DOCK4: variants seen among roughly 807,000 people sequenced by gnomAD.
DOCK4 encodes the protein dedicator of cytokinesis 4.
A neutral mutation model predicts 268.1 loss-of-function variants in DOCK4; 97 were observed. The observed-to-expected ratio is 0.36, with a 90% CI of 0.31 to 0.43. DOCK4 has a LOEUF of 0.43. DOCK4 is among the 20% of genes least tolerant of loss of function. The pLI, the probability that DOCK4 is intolerant of heterozygous loss-of-function variation, is 1.00. For missense variants in DOCK4, 2,145 were observed against 2,455.7 expected, an observed-to-expected ratio of 0.87 and a Z score of 2.67; for synonymous variants, 954 against 887.2, an observed-to-expected ratio of 1.08 and a Z score of -1.34.
At chr7:112,090,404 A>T (rs1586802472) in intron 1 of DOCK4, among the ~76,000 whole-genome samples, 1 of 152,200 alleles carries the variant, frequency 6.6e-6, no homozygotes, top group Non-Finnish European at 1.5e-5. Flanking sequence ...ACAAGTAAAA[A>T]CTATATGAAA....
At chr7:112,127,032 C>T (rs1235367807) in intron 1 of DOCK4, among the ~76,000 whole-genome samples, 1 of 151,934 alleles carries the variant, frequency 6.6e-6, no homozygotes, top group Non-Finnish European at 1.5e-5. Flanking sequence ...ACTAGAAATA[C>T]CATTTGACCC....
chr7:112,057,610 A>C (rs972108281), intron 1 of DOCK4, among the ~76,000 whole-genome samples: 2 of 151,514 alleles, frequency 1.3e-5, no homozygotes, highest in Non-Finnish European at 2.9e-5. Flanking sequence ...TTATCCTTGC[A>C]AAAAAAATTT....
At position 112,059,410 on chromosome 7, in the gene DOCK4, G is replaced by C. The variant is rs192288976; in HGVS notation, c.38-55279C>G. Among the ~76,000 whole-genome samples, 503 of 152,104 alleles carry C rather than the reference G, an allele frequency of 3.3e-3. 4 individuals are homozygous for C. Among genetic ancestry groups the C allele is most frequent in the African/African-American group, 0.011 (475 of 41,512 alleles). On this transcript the variant is annotated intron_variant, in intron 1 of 52. Transcript: ENST00000428084. ...ATCCTCCTCGGCCTCCCAAAGTGCTGGGATTACAGGCGCGAGCCACCACCC... is the reference window on the plus strand; with the variant it reads ...ATCCTCCTCGGCCTCCCAAAGTGCTCGGATTACAGGCGCGAGCCACCACCC...
In DOCK4 at chr7:111,933,820, G is replaced by C. The variant is rs542764767; in HGVS notation, c.1066+1720C>G. Among the ~76,000 whole-genome samples the C allele has an allele frequency of 7.2e-5, 11 of 152,288 alleles. No individual in the cohort carries two copies. The South Asian group carries it at 2.3e-3, about 32-fold the overall frequency. ...TTATCTCTCCAACTCTAAGGAGAGG[G>C]AGGAGGAAACTGACCTCACCACTCA... On this transcript the variant is annotated intron_variant, in intron 12 of 52. Transcript: ENST00000428084.
chr7:111,840,693 A>T (rs1434733650), intron 25 of DOCK4: 2 of 701,876 alleles, frequency 2.8e-6, no homozygotes. Context: ...GAGGCTGGGT[A>T]ACAATCATGG....
At chr7:111,906,446 T>C (rs140983008) in intron 13 of DOCK4, among the ~76,000 whole-genome samples, 344 of 152,310 alleles carry the variant, frequency 2.3e-3, no homozygotes, top group African/African-American at 8.0e-3. Context: ...TGATGTGTTC[T>C]TGGTCAATAC....
intron 1 of DOCK4, among the ~76,000 whole-genome samples, chr7:112,007,306 G>A (rs1263815764): frequency 6.6e-6 from 1 of 151,942 alleles, no homozygotes; most frequent in Non-Finnish European, 1.5e-5. Flanking sequence ...TAAGAATGGA[G>A]TACAAATACA....
intron 14 of DOCK4, among the ~76,000 whole-genome samples, 172 bp from the exon 15 acceptor site, chr7:111,900,708 T>C (rs1271183550): frequency 1.3e-5 from 2 of 152,250 alleles, no homozygotes; most frequent in Admixed American, 1.3e-4. Context: ...GGGGTGTATC[T>C]ATTTAATTCT....
At chr7:111,867,706 C>T (rs894742616) in intron 22 of DOCK4, among the ~76,000 whole-genome samples, 2 of 152,150 alleles carry the variant, frequency 1.3e-5, no homozygotes, top group African/African-American at 2.4e-5. Context: ...ACAGCATGTC[C>T]AGTCGTCAGT....
chr7:112,158,317 T>C (rs1476374573), intron 1 of DOCK4, among the ~76,000 whole-genome samples: 1 of 152,228 alleles, frequency 6.6e-6, no homozygotes, highest in Non-Finnish European at 1.5e-5. Context: ...CTAGCACCTA[T>C]TGCTTATACA....
At chr7:112,096,676 C>G (rs1321325332) in intron 1 of DOCK4, among the ~76,000 whole-genome samples, 1 of 152,158 alleles carries the variant, frequency 6.6e-6, no homozygotes, top group East Asian at 1.9e-4. Flanking sequence ...GAATTCTACC[C>G]AGGAGCTAGG....
intron 8 of DOCK4, among the ~76,000 whole-genome samples, chr7:111,948,588 TTTC>T (rs928108352): frequency 3.4e-4 from 52 of 152,084 alleles, no homozygotes; most frequent in Middle Eastern, 3.4e-3. Flanking sequence ...GTAGTTTTCT[TTTC>T]TTCTTCTTTT....
At chr7:111,814,347 C>T (rs1754504288) in intron 27 of DOCK4, among the ~76,000 whole-genome samples, 1 of 152,142 alleles carries the variant, frequency 6.6e-6, no homozygotes, top group Non-Finnish European at 1.5e-5. Flanking sequence ...CCTAGAATCA[C>T]CTGGGAGCTT....
chr7:112,129,910 G>C (rs1813642051), intron 1 of DOCK4, among the ~76,000 whole-genome samples: 1 of 152,104 alleles, frequency 6.6e-6, no homozygotes, highest in Non-Finnish European at 1.5e-5. Flanking sequence ...TTTTATAGTG[G>C]GATAAAATGA....
At chr7:112,032,269 A>T (rs1482726963) in intron 1 of DOCK4, among the ~76,000 whole-genome samples, 5 of 152,254 alleles carry the variant, frequency 3.3e-5, no homozygotes, top group Non-Finnish European at 5.9e-5. Context: ...AGTCAAACAC[A>T]GAAACTAAAA....
At chr7:111,793,727 A>G (rs577950602) in intron 30 of DOCK4, among the ~76,000 whole-genome samples, 5 of 152,242 alleles carry the variant, frequency 3.3e-5, no homozygotes, top group African/African-American at 1.2e-4. Flanking sequence ...TCAAGAAAAA[A>G]CAAAGGGCCT....
chr7:111,767,504 C>T (rs1357876719), intron 37 of DOCK4, among the ~76,000 whole-genome samples: 1 of 152,096 alleles, frequency 6.6e-6, no homozygotes, highest in Non-Finnish European at 1.5e-5. Flanking sequence ...GGGTTACAGG[C>T]ATGAGCCACC....
chr7:111,882,611 A>T (rs1807487216), intron 16 of DOCK4, among the ~76,000 whole-genome samples: 1 of 151,468 alleles, frequency 6.6e-6, no homozygotes, highest in African/African-American at 2.4e-5. Flanking sequence ...GTGACTCACA[A>T]TTTTTTTTTA....
At chr7:112,053,792 G>A (rs565966220) in intron 1 of DOCK4, among the ~76,000 whole-genome samples, 11 of 152,282 alleles carry the variant, frequency 7.2e-5, no homozygotes, top group Middle Eastern at 3.4e-3. Context: ...TAATTACACC[G>A]TCAGCTAATC....
Sources: allele counts gnomAD v4.1 joint callset (sites outside exome capture counted in the v4.1 genomes callset), GRCh38; gene constraint gnomAD v4.1.1; transcripts MANE v1.5; gene names NCBI Gene and HGNC (gene_info 2026-07-23, HGNC 2026-07-21).